The following BCO1 variants were observed in gnomAD, a reference collection of about 807,000 sequenced individuals.
BCO1 encodes beta,beta-carotene 15,15'-dioxygenase.
In BCO1, 54 loss-of-function variants were observed where a neutral mutation model predicts 56.3. The ratio of observed to expected loss-of-function variants is 0.96; its 90% CI spans 0.77 to 1.20. The LOEUF (loss-of-function observed/expected upper bound fraction) is 1.20, where lower values mean the gene tolerates loss of function less well. Ranked by LOEUF, BCO1 falls within the 50% of genes most tolerant of loss-of-function variation. The pLI, the probability that BCO1 is intolerant of heterozygous loss-of-function variation, is 0.00. For missense variants in BCO1, 801 were observed against 690.9 expected (o/e 1.16, Z -1.79); for synonymous variants, 318 against 266.1 (o/e 1.20, Z -1.90).
chr16:81,271,083 G>T (rs1419752615), intron 7 of BCO1, among the ~76,000 whole-genome samples: 1 of 150,088 alleles, frequency 6.7e-6, no homozygotes, highest in East Asian at 2.0e-4. Context: ...AGATGTAATT[G>T]ACACAGCATA....
chr16:81,268,106 G>T lies in BCO1; in HGVS notation c.818G>T (p.Cys273Phe). 1 of 1,610,432 alleles carries T rather than the reference G, an allele frequency of 6.2e-7. No homozygotes were observed. The highest frequency in any genetic ancestry group is 8.5e-7 in the Non-Finnish European group (1 of 1,179,976). The change falls in exon 6 of 11, where the codon TGC (cysteine) becomes TTC (phenylalanine). Residue 273 changes from cysteine to phenylalanine, a missense_variant. Cys to Phe is a radical substitution (Grantham distance 205). Coordinates refer to ENST00000258168, the MANE Select transcript of BCO1 (RefSeq NM_017429.3). The stretch of plus-strand genomic sequence containing the variant: ...ATCCGGAGAATGAGCTGGGCCTCCT[G>T]CCTGGCTTTCCACAGGGAGGAGAAG... ...AYIRRMSWAS[C>F]LAFHREEKTY...
At chr16:81,272,081 A>G (rs1022685647) in intron 7 of BCO1, among the ~76,000 whole-genome samples, 7 of 147,538 alleles carry the variant, frequency 4.7e-5, no homozygotes, top group African/African-American at 1.2e-4. Flanking sequence ...TAATAGGTAC[A>G]TACTATCTTA....
chr16:81,250,007 C>T (rs975635967), intron 2 of BCO1, among the ~76,000 whole-genome samples: 2 of 152,158 alleles, frequency 1.3e-5, no homozygotes, highest in African/African-American at 2.4e-5. Flanking sequence ...TTTTGGTAGA[C>T]AGAGGCAATA....
In BCO1 at chr16:81,285,531, T is replaced by G. The variant is rs1908129343; in HGVS notation, c.1208-9T>G. 3.7e-6 allele frequency: 6 copies of G among 1,602,722 alleles called. No individual in the cohort carries two copies. The highest frequency in any genetic ancestry group is 5.1e-6 in the Non-Finnish European group (6 of 1,169,582). ...TAGGGGCTTCATCCACCTCCTCATTTCCTTGTAGGCTTAGAGCTTCCACGG... is the reference window on the plus strand; with the variant it reads ...TAGGGGCTTCATCCACCTCCTCATTGCCTTGTAGGCTTAGAGCTTCCACGG... On this transcript the variant is annotated splice_polypyrimidine_tract_variant and intron_variant, in intron 8 of 10. Transcript: ENST00000258168.
intron 10 of BCO1, 144 bp from the exon 11 acceptor site, chr16:81,290,204 T>C (rs1908385914): frequency 2.6e-6 from 2 of 775,198 alleles, no homozygotes; most frequent in East Asian, 5.3e-5. Flanking sequence ...GGCCTTTCCC[T>C]TCTGTTACAG....
At chr16:81,278,458 A>G (rs1036535034) in intron 7 of BCO1, among the ~76,000 whole-genome samples, 2 of 152,164 alleles carry the variant, frequency 1.3e-5, no homozygotes, top group African/African-American at 4.8e-5. Flanking sequence ...TGACAGCCCA[A>G]AGAAAAGCTT....
intron 7 of BCO1, among the ~76,000 whole-genome samples, chr16:81,280,531 A>G (rs890050073): frequency 7.9e-5 from 12 of 152,226 alleles, no homozygotes; most frequent in African/African-American, 2.4e-4. Flanking sequence ...TTATAGGTGA[A>G]TCATCTAGTA....
intron 2 of BCO1, among the ~76,000 whole-genome samples, chr16:81,251,334 G>A (rs948496864): frequency 5.9e-5 from 9 of 152,120 alleles, no homozygotes; most frequent in African/African-American, 2.2e-4. Context: ...TGAGGTGGGA[G>A]GATCCCTTGA....
intron 7 of BCO1, 51 bp downstream of exon 7, chr16:81,270,467 G>A (rs530628575): frequency 4.3e-6 from 7 of 1,610,060 alleles, no homozygotes; most frequent in Non-Finnish European, 5.9e-6. Context: ...TATCGGCCCA[G>A]GTGGGAAGTT....
chr16:81,269,495 T>A lies in BCO1; in HGVS notation c.844-664T>A, dbSNP rs186225153. On this transcript the variant is annotated intron_variant, in intron 6 of 10. Transcript: ENST00000258168. ...ATTTATTTATTTTTTGAGATGGAGT[T>A]CCATGCTTGTCGCCTAGGCTGGAAT... Among the ~76,000 whole-genome samples the A allele has an allele frequency of 2.2e-3, 339 of 152,132 alleles. 4 individuals carry two copies. The highest frequency in any genetic ancestry group is 1.5e-3 in the Non-Finnish European group (100 of 67,992).
intron 4 of BCO1, 82 bp from the exon 5 acceptor site, chr16:81,264,558 C>G (rs1906689774): frequency 5.8e-6 from 9 of 1,541,288 alleles, no homozygotes; most frequent in South Asian, 5.6e-5. Flanking sequence ...AACCTTTCTC[C>G]TTTGAAAAAC....
intron 8 of BCO1, among the ~76,000 whole-genome samples, chr16:81,281,238 G>C (rs1907865383): frequency 6.6e-6 from 1 of 152,166 alleles, no homozygotes; most frequent in African/African-American, 2.4e-5. Context: ...TTGAGGCCAG[G>C]AGTTCAAGAC....
intron 2 of BCO1, 35 bp from the exon 3 acceptor site, chr16:81,259,641 G>C: frequency 6.2e-7 from 1 of 1,614,094 alleles, no homozygotes; most frequent in East Asian, 2.2e-5. Context: ...CTGTGAAGGC[G>C]TCAGCCTGAG....
chr16:81,285,398 A>T (rs537790460), intron 8 of BCO1, 142 bp from the exon 9 acceptor site: 1 of 703,248 alleles, frequency 1.4e-6, no homozygotes, highest in South Asian at 1.5e-5. Context: ...ACCACCTTTG[A>T]TCCAATGCAG....
intron 9 of BCO1, among the ~76,000 whole-genome samples, chr16:81,286,197 C>T (rs1019989982): frequency 1.3e-5 from 2 of 152,160 alleles, no homozygotes; most frequent in Non-Finnish European, 2.9e-5. Context: ...CATTTTGCTT[C>T]TTAAGCTACC....
At chr16:81,286,236 C>T (rs1908173290) in intron 9 of BCO1, among the ~76,000 whole-genome samples, 1 of 152,096 alleles carries the variant, frequency 6.6e-6, no homozygotes, top group African/African-American at 2.4e-5. Flanking sequence ...GTGTTCTGGG[C>T]ACTGTGCTAA....
Position 81,270,188 on chromosome 16 carries a change from C to T in BCO1, c.873C>T (p.Thr291=). The T allele has an allele frequency of 6.2e-7, 1 of 1,614,132 alleles. No homozygotes were observed. Among genetic ancestry groups the T allele is most frequent in the Non-Finnish European group, 8.5e-7 (1 of 1,180,038 alleles). The change falls in exon 7 of 11, where the codon ACC becomes ACT. Residue 291 remains threonine, a synonymous_variant. Coordinates refer to ENST00000258168, the MANE Select transcript of BCO1 (RefSeq NM_017429.3). ...KTYIHIIDQR[T]RQPVQTKFYT... ...ATATCCACATCATCGACCAAAGGAC[C>T]AGGCAGCCTGTGCAGACCAAGTTTT... is the stretch of plus-strand genomic sequence containing the variant.
At chr16:81,247,235 G>A (rs924906201) in intron 2 of BCO1, among the ~76,000 whole-genome samples, 2 of 152,128 alleles carry the variant, frequency 1.3e-5, no homozygotes, top group South Asian at 2.1e-4. Flanking sequence ...CTGGGATTAC[G>A]TTAAGTCTCT....
intron 7 of BCO1, among the ~76,000 whole-genome samples, chr16:81,272,354 A>G (rs901916508): frequency 1.3e-4 from 19 of 149,412 alleles, no homozygotes; most frequent in East Asian, 6.1e-4. Flanking sequence ...TCCTGACCTC[A>G]TGATCCGCCC....
Sources: allele counts gnomAD v4.1 joint callset (sites outside exome capture counted in the v4.1 genomes callset), GRCh38; gene constraint gnomAD v4.1.1; transcripts MANE v1.5; gene names NCBI Gene and HGNC (gene_info 2026-07-23, HGNC 2026-07-21).